Variants in PODXL observed in about 807,000 individuals in gnomAD.
The protein encoded by PODXL is podocalyxin.
In PODXL, 20 loss-of-function variants were observed where a neutral mutation model predicts 48.9. The observed-to-expected ratio is 0.41, with a 90% CI of 0.29 to 0.59. The LOEUF (loss-of-function observed/expected upper bound fraction) is 0.59. Among genes scored for constraint, PODXL ranks in the 20% least tolerant of loss-of-function variants. The pLI, the probability that PODXL is intolerant of heterozygous loss-of-function variation, is 0.31. For missense variants in PODXL, 606 were observed against 675.1 expected (o/e 0.90, Z 1.13); for synonymous variants, 295 against 287.4 (o/e 1.03, Z -0.27).
At chr7:131,542,957 G>T (rs1031545311) in intron 1 of PODXL, among the ~76,000 whole-genome samples, 3 of 152,158 alleles carry the variant, frequency 2.0e-5, no homozygotes, top group Non-Finnish European at 2.9e-5. Flanking sequence ...AGAGCACGAG[G>T]AGCTGATGCC....
intron 1 of PODXL, among the ~76,000 whole-genome samples, chr7:131,522,691 C>T (rs1242520531): frequency 6.8e-6 from 1 of 146,418 alleles, no homozygotes; most frequent in Non-Finnish European, 1.5e-5. Context: ...CAGTAGGCAG[C>T]CACTAATCTA....
chr7:131,543,586 T>C (rs1447632187), intron 1 of PODXL, among the ~76,000 whole-genome samples: 1 of 152,144 alleles, frequency 6.6e-6, no homozygotes, highest in Non-Finnish European at 1.5e-5. Context: ...CCACGCCTTC[T>C]TTGGCATCTA....
At chr7:131,551,861 C>T (rs188942903) in intron 1 of PODXL, among the ~76,000 whole-genome samples, 2,573 of 150,060 alleles carry the variant, frequency 0.017, 42 homozygotes, top group South Asian at 0.07. Flanking sequence ...GGCGTGAACC[C>T]GGGAGGTGGA....
chr7:131,506,727 C>CTATGGTGGGGAG lies in PODXL; in HGVS notation c.1102-13_1102-2dup, dbSNP rs1797810856. Reference sequence around the variant, plus strand: ...ATTTCTCATCCGAAGCGCCCCCTGCCTATGGTGGGGAGAGCGCAGGTGACT... The same window carrying CTATGGTGGGGAG: ...ATTTCTCATCCGAAGCGCCCCCTGCCTATGGTGGGGAGTATGGTGGGGAGAGCGCAGGTGACT... On this transcript the variant is annotated splice_acceptor_variant, in intron 5 of 8. Transcript: ENST00000378555. LOFTEE classifies it high-confidence loss of function. 2 of 1,614,116 alleles carry CTATGGTGGGGAG rather than the reference C, an allele frequency of 1.2e-6. No individual in the cohort carries two copies. The highest frequency in any genetic ancestry group is 8.5e-7 in the Non-Finnish European group (1 of 1,180,000).
intron 1 of PODXL, among the ~76,000 whole-genome samples, chr7:131,540,462 C>T (rs1205857213): frequency 6.6e-6 from 1 of 151,936 alleles, no homozygotes; most frequent in African/African-American, 2.4e-5. Flanking sequence ...CTACCCTGCC[C>T]CCGCCCCCCA....
rs1247933173 is a variant in PODXL, at chr7:131,524,642, C to T, written c.101-13209G>A. ...CAAATGCTAAACAGGATCTCTCATA[C>T]ATTGCTGGTCAGAATGCACAATGGT... On this transcript the variant is annotated intron_variant, in intron 1 of 8. Transcript: ENST00000378555. Among the ~76,000 whole-genome samples, 2 of 152,282 alleles carry T rather than the reference C, an allele frequency of 1.3e-5. 1 individual carries two copies. The highest frequency in any genetic ancestry group is 6.8e-3 in the Middle Eastern group (2 of 294).
At position 131,503,163 on chromosome 7, in the gene PODXL, C is replaced by T. The variant is rs894732898; in HGVS notation, c.*1148G>A. ...AAAACTCTCAGCAACTTGAAATGTC[C>T]CTGAGTTTCCTATGATATACAGGGG... On this transcript the variant is annotated 3_prime_UTR_variant, in exon 9 of 9. Transcript: ENST00000378555. 1 of 152,612 alleles carries T rather than the reference C, an allele frequency of 6.6e-6. No individual in the cohort carries two copies. Among genetic ancestry groups the T allele is most frequent in the Non-Finnish European group, 1.5e-5 (1 of 68,062 alleles). 9.5% of individuals were successfully genotyped at this position (152,612 alleles called of 1,614,324 possible). A position where few individuals can be genotyped will look rare whatever the true frequency, so the allele number is the denominator to read the frequency against.
intron 1 of PODXL, among the ~76,000 whole-genome samples, chr7:131,523,653 T>A (rs1584817891): frequency 9.3e-6 from 1 of 107,994 alleles, no homozygotes; most frequent in Middle Eastern, 0.011. Context: ...CACTCCAGCC[T>A]GGGCAACAGA....
At chr7:131,517,345 C>T (rs1223273312) in intron 1 of PODXL, among the ~76,000 whole-genome samples, 1 of 152,160 alleles carries the variant, frequency 6.6e-6, no homozygotes, top group Non-Finnish European at 1.5e-5. Context: ...CTTGTGTGCT[C>T]TTTAGGATCA....
chr7:131,511,399 T>C lies in PODXL; in HGVS notation c.135A>G (p.Thr45=), dbSNP rs763434517. 5.0e-6 allele frequency: 8 copies of C among 1,603,216 alleles called. No individual in the cohort carries two copies. Among genetic ancestry groups the C allele is most frequent in the Non-Finnish European group, 6.8e-6 (8 of 1,179,884 alleles). ...TQTTTDSSNK[T]APTPASSVTI... ...TGACACTGGATGCTGGAGTCGGTGCTGTTTTGTTAGATGAGTCCGTAGTAG... is the reference window on the plus strand; with the variant it reads ...TGACACTGGATGCTGGAGTCGGTGCCGTTTTGTTAGATGAGTCCGTAGTAG... Residue 45 remains threonine, a synonymous_variant, in exon 2 of 9, where the codon ACA becomes ACG. Transcript: ENST00000378555.
chr7:131,505,194 G>T (rs1462951548), intron 8 of PODXL, among the ~76,000 whole-genome samples: 2 of 152,204 alleles, frequency 1.3e-5, no homozygotes, highest in African/African-American at 4.8e-5. Context: ...GTAGGCAGAA[G>T]AATTTTTGGT....
intron 1 of PODXL, among the ~76,000 whole-genome samples, chr7:131,555,375 C>T (rs1798726429): frequency 6.6e-6 from 1 of 152,198 alleles, no homozygotes; most frequent in Admixed American, 6.5e-5. Flanking sequence ...GTTGAGTTTG[C>T]AGCCATCGCC....
chr7:131,556,275 ACGGCG>A lies in PODXL; in HGVS notation c.80_84del (p.Ser27PhefsTer15). On this transcript the variant is annotated frameshift_variant, in exon 1 of 9. Coordinates refer to ENST00000378555, the MANE Select transcript of PODXL (RefSeq NM_001018111.3). LOFTEE classifies it high-confidence loss of function. ...GGCCACTCACCATTCTGGGAGGGCG[ACGGCG>A]ACGGCGACGGCGACGACGGCAGCAG... 1 of 780,524 alleles carries A rather than the reference ACGGCG, an allele frequency of 1.3e-6. No homozygotes were observed. Among genetic ancestry groups the A allele is most frequent in the Non-Finnish European group, 1.6e-6 (1 of 617,620 alleles). The allele number at this position is 780,524 out of a possible 1,614,324, so 48.3% of individuals were successfully genotyped here. A position where few individuals can be genotyped will look rare whatever the true frequency, so the allele number is the denominator to read the frequency against.
At chr7:131,522,456 G>A (rs55889278) in intron 1 of PODXL, among the ~76,000 whole-genome samples, 9,304 of 152,142 alleles carry the variant, frequency 0.061, 324 homozygotes, top group Middle Eastern at 0.11. Flanking sequence ...AATAAAAACA[G>A]TGGAATACAG....
rs1797720366 is a variant in PODXL at position 131,502,358 on chromosome 7, T to C, written c.*1953A>G. ...CATCGGGGCAGATGTTTTTGGAACT[T>C]GTTAGCCTCGCATCCCTCTAACTCC... On this transcript the variant is annotated 3_prime_UTR_variant, in exon 9 of 9. Transcript: ENST00000378555. 1 of 152,184 alleles carries C rather than the reference T, an allele frequency of 6.6e-6. No homozygotes were observed. The highest frequency in any genetic ancestry group is 2.1e-4 in the South Asian group (1 of 4,826). The allele number at this position is 152,184 out of a possible 1,614,324, so 9.4% of individuals were successfully genotyped here.
In PODXL at chr7:131,509,506, C is replaced by A. The variant is rs200255469; in HGVS notation, c.882G>T (p.Glu294Asp). 1.2e-6 allele frequency: 2 copies of A among 1,611,856 alleles called. No individual in the cohort carries two copies. The highest frequency in any genetic ancestry group is 3.3e-5 in the Admixed American group (2 of 59,904). The change falls in exon 4 of 9, where the codon GAG (glutamate) becomes GAT (aspartate). Residue 294 changes from glutamate (E) to aspartate (D), a missense_variant. Physicochemically the swap from Glu to Asp is conservative, Grantham distance 45 (BLOSUM62 2). Transcript: ENST00000378555. ...TTGCCGGGCTCGTGGGCTGCACTGT[C>A]TCCTGGGAGGAAGGGGCCGTAGAGC... ...PASSTAPSSQ[E>D]TVQPTSPATA...
At chr7:131,519,358 T>C (rs1256133282) in intron 1 of PODXL, among the ~76,000 whole-genome samples, 1 of 152,086 alleles carries the variant, frequency 6.6e-6, no homozygotes, top group East Asian at 1.9e-4. Context: ...ATTCTGAGGG[T>C]GTGAGCCGCG....
chr7:131,533,130 G>T (rs1255692452), intron 1 of PODXL, among the ~76,000 whole-genome samples: 1 of 152,176 alleles, frequency 6.6e-6, no homozygotes, highest in Admixed American at 6.5e-5. Context: ...GGTCCCCAAC[G>T]TGCGCCCCTT....
chr7:131,516,591 A>T (rs1797999930), intron 1 of PODXL, among the ~76,000 whole-genome samples: 1 of 152,164 alleles, frequency 6.6e-6, no homozygotes, highest in Admixed American at 6.5e-5. Flanking sequence ...CTGGTGTGTC[A>T]TGAGAACTCA....
Sources: allele counts gnomAD v4.1 joint callset (sites outside exome capture counted in the v4.1 genomes callset), GRCh38; gene constraint gnomAD v4.1.1; transcripts MANE v1.5; gene names NCBI Gene and HGNC (gene_info 2026-07-23, HGNC 2026-07-21).